TRIM9: variants seen among roughly 807,000 people sequenced by gnomAD.
TRIM9 encodes the protein E3 ubiquitin-protein ligase TRIM9.
Under a neutral mutation model 78.3 loss-of-function variants are expected in TRIM9, and 26 were observed. That is an observed-to-expected ratio of 0.33 (90% confidence interval 0.24 to 0.46). TRIM9 has a LOEUF of 0.46. TRIM9 is among the 20% of genes least tolerant of loss of function. TRIM9 has a pLI of 1.00. For synonymous variants in TRIM9, 398 were observed against 416.5 expected (o/e 0.96, Z 0.54); for missense variants, 787 against 1,036.4 (o/e 0.76, Z 3.30).
chr14:51,045,116 G>A (rs2059853455), intron 1 of TRIM9, among the ~76,000 whole-genome samples: 1 of 152,152 alleles, frequency 6.6e-6, no homozygotes. Flanking sequence ...AGACTCATTG[G>A]TGGGATTGCT....
chr14:51,044,281 A>T (rs2059778661), intron 1 of TRIM9, among the ~76,000 whole-genome samples: 1 of 152,174 alleles, frequency 6.6e-6, no homozygotes, highest in East Asian at 1.9e-4. Flanking sequence ...AAATTGTTGC[A>T]GGGGCTACCA....
chr14:50,976,225 T>C lies in TRIM9; in HGVS notation c.*1066A>G, dbSNP rs879592904. On this transcript the variant is annotated 3_prime_UTR_variant, in exon 13 of 13. Transcript: ENST00000684578. Reference sequence around the variant, plus strand: ...GGGCTCTGTGATGAGTGGCAGCAGGTACCATAATTAAATAGTGCAGCTGAA... The same window carrying C: ...GGGCTCTGTGATGAGTGGCAGCAGGCACCATAATTAAATAGTGCAGCTGAA... The C allele has an allele frequency of 7.2e-5, 11 of 152,592 alleles. No homozygotes were observed. The highest frequency in any genetic ancestry group is 1.3e-4 in the Non-Finnish European group (9 of 68,020). 9.5% of individuals were successfully genotyped at this position (152,592 alleles called of 1,614,324 possible).
rs2053108166 is a variant in TRIM9, at chr14:50,988,876, AG to A, written c.1604-2733del. On this transcript the variant is annotated intron_variant, in intron 7 of 12. Coordinates refer to ENST00000684578, the MANE Select transcript of TRIM9 (RefSeq NM_001387360.1). Reference sequence around the variant, plus strand: ...TTAGATTTCAGGAGTCTTAGAGGGAAGAAACTTAATATCATCAGAGGAGCTG... The same window carrying A: ...TTAGATTTCAGGAGTCTTAGAGGGAAAAACTTAATATCATCAGAGGAGCTG... 2.0e-5 allele frequency among the ~76,000 whole-genome samples: 3 copies of A among 152,272 alleles called. No homozygotes were observed. The South Asian group carries it at 6.2e-4, about 32-fold the overall frequency.
chr14:51,094,109 A>G lies in TRIM9; in HGVS notation c.822+9T>C, dbSNP rs2064715525. 1.2e-6 allele frequency: 2 copies of G among 1,603,290 alleles called. No homozygotes were observed. Among genetic ancestry groups the G allele is most frequent in the Non-Finnish European group, 1.7e-6 (2 of 1,171,946 alleles). On this transcript the variant is annotated intron_variant, in intron 1 of 12. Coordinates refer to ENST00000684578, the MANE Select transcript of TRIM9 (RefSeq NM_001387360.1). ...CAGGGAGTTAGGAGTGGGTTTTCTT[A>G]GGACTCACCTTATGTAGTTTCCACA... is the stretch of plus-strand genomic sequence containing the variant.
intron 1 of TRIM9, among the ~76,000 whole-genome samples, chr14:51,029,599 A>G (rs570823385): frequency 1.6e-4 from 25 of 152,344 alleles, no homozygotes; most frequent in African/African-American, 6.0e-4. Flanking sequence ...TACTCAGTAC[A>G]TTGCTGACAT....
chr14:50,977,251 G>T lies in TRIM9; in HGVS notation c.*40C>A, dbSNP rs1469842430. 2 of 1,404,336 alleles carry T rather than the reference G, an allele frequency of 1.4e-6. No individual in the cohort carries two copies. The highest frequency in any genetic ancestry group is 1.5e-5 in the African/African-American group (1 of 67,826). 87.0% of individuals were successfully genotyped at this position (1,404,336 alleles called of 1,614,324 possible). ...GCTCCTTGCTGTGGCTCTCGCAGGCGGAGGTAAGAACAGGCAGCTGGCGCC... is the reference window on the plus strand; with the variant it reads ...GCTCCTTGCTGTGGCTCTCGCAGGCTGAGGTAAGAACAGGCAGCTGGCGCC... On this transcript the variant is annotated 3_prime_UTR_variant, in exon 13 of 13. Transcript: ENST00000684578.
intron 1 of TRIM9, chr14:51,089,145 T>C (rs562672775): frequency 2.1e-4 from 32 of 152,344 alleles, no homozygotes; most frequent in African/African-American, 7.5e-4. Flanking sequence ...AGTTCCATTC[T>C]CCTTGTGAGT....
At chr14:51,085,934 T>C (rs995693570) in intron 1 of TRIM9, among the ~76,000 whole-genome samples, 2 of 152,216 alleles carry the variant, frequency 1.3e-5, no homozygotes, top group African/African-American at 4.8e-5. Flanking sequence ...AAGGTAATTA[T>C]ATAGGTAAGG....
In TRIM9 at chr14:50,997,825, G is replaced by A. The variant is rs375570930; in HGVS notation, c.1603+225C>T. The A allele has an allele frequency of 1.2e-5, 17 of 1,381,846 alleles. No homozygotes were observed. In the East Asian group the frequency reaches 1.8e-4, roughly 14 times the overall value. 85.6% of individuals were successfully genotyped at this position (1,381,846 alleles called of 1,614,324 possible). On this transcript the variant is annotated intron_variant, in intron 7 of 12. Transcript: ENST00000684578. ...TAGATTGTTATCAAAGGAAGCCGCC[G>A]GCCCAAGCCATTGGAACTGCCGATG...
intron 1 of TRIM9, among the ~76,000 whole-genome samples, chr14:51,084,333 T>C (rs2140327621): frequency 6.6e-6 from 1 of 152,338 alleles, no homozygotes; most frequent in African/African-American, 2.4e-5. Flanking sequence ...TTCTTGATTC[T>C]TTAAGTAAAA....
intron 11 of TRIM9, among the ~76,000 whole-genome samples, chr14:50,981,020 T>C (rs1156733898): frequency 1.3e-5 from 2 of 151,884 alleles, no homozygotes; most frequent in African/African-American, 2.4e-5. Context: ...GAATGTATCC[T>C]GGGGAAATCT....
intron 11 of TRIM9, 28 bp downstream of exon 11, chr14:50,981,772 A>G: frequency 6.2e-7 from 1 of 1,611,902 alleles, no homozygotes; most frequent in Non-Finnish European, 8.5e-7. Flanking sequence ...CAACGTGAAG[A>G]AGGCTTGGTT....
chr14:51,064,440 G>A (rs770000491), intron 1 of TRIM9, among the ~76,000 whole-genome samples: 3 of 151,478 alleles, frequency 2.0e-5, no homozygotes, highest in Admixed American at 1.3e-4. Context: ...ACTAGCAGAC[G>A]GAATAAATAA....
chr14:51,085,707 T>G (rs1054021687), intron 1 of TRIM9, among the ~76,000 whole-genome samples: 15 of 152,242 alleles, frequency 9.9e-5, no homozygotes, highest in Admixed American at 8.5e-4. Flanking sequence ...TGCCTATGGA[T>G]TTTTATTTTT....
chr14:51,013,864 A>T (rs1355883074), intron 3 of TRIM9, among the ~76,000 whole-genome samples: 6 of 152,234 alleles, frequency 3.9e-5, no homozygotes, highest in Non-Finnish European at 7.3e-5. Context: ...GAGGTGACCT[A>T]CAGCTAATAT....
At position 51,029,050 on chromosome 14, in the gene TRIM9, C is replaced by T. The variant is rs368714857; in HGVS notation, c.823-3690G>A. ...ATGGGTAATGCAATTCAATCCATCCCGCCCAATGCCTGACTTGCCCAAGCT... is the reference window on the plus strand; with the variant it reads ...ATGGGTAATGCAATTCAATCCATCCTGCCCAATGCCTGACTTGCCCAAGCT... On this transcript the variant is annotated intron_variant, in intron 1 of 12. Transcript: ENST00000684578. Among the ~76,000 whole-genome samples the T allele has an allele frequency of 2.0e-4, 31 of 152,228 alleles. No homozygotes were observed. In the South Asian group the frequency reaches 6.2e-3, roughly 31 times the overall value.
At chr14:51,091,765 G>A (rs1041749603) in intron 1 of TRIM9, among the ~76,000 whole-genome samples, 1 of 152,154 alleles carries the variant, frequency 6.6e-6, no homozygotes, top group Non-Finnish European at 1.5e-5. Flanking sequence ...AAAGATCAGA[G>A]AATAAATGGT....
intron 5 of TRIM9, among the ~76,000 whole-genome samples, chr14:51,006,439 A>G (rs752506338): frequency 6.6e-6 from 1 of 152,214 alleles, no homozygotes; most frequent in African/African-American, 2.4e-5. Flanking sequence ...ACAGAGGCCA[A>G]TAGAAGTCTG....
intron 8 of TRIM9, 21 bp downstream of exon 8, chr14:50,985,935 G>T (rs1294299393): frequency 1.0e-5 from 15 of 1,500,696 alleles, no homozygotes; most frequent in Non-Finnish European, 1.3e-5. Flanking sequence ...CAAGGGGAAA[G>T]GTCTGAGGAG....
Sources: gnomAD v4.1 joint callset for allele counts (sites outside exome capture counted in the v4.1 genomes callset) on GRCh38, gnomAD v4.1.1 for gene constraint, MANE v1.5 for transcripts, NCBI Gene and HGNC (gene_info 2026-07-23, HGNC 2026-07-21) for gene names.